Variants in ACTR10 observed in about 807,000 individuals in gnomAD.
ACTR10 encodes actin-related protein 10.
In ACTR10, 43 loss-of-function variants were observed where a neutral mutation model predicts 56.2. The ratio of observed to expected loss-of-function variants is 0.77; its 90% confidence interval spans 0.60 to 0.99. The LOEUF (loss-of-function observed/expected upper bound fraction) is 0.99, where lower values mean the gene tolerates loss of function less well. Among genes scored for constraint, ACTR10 ranks in the 50% least tolerant of loss-of-function variants. ACTR10 has a pLI of 0.00. For missense variants in ACTR10, 466 were observed against 507.8 expected (o/e 0.92, Z 0.79); for synonymous variants, 170 against 176.3 (o/e 0.96, Z 0.28).
At chr14:58,231,466 T>C (rs1275090271) in intron 11 of ACTR10, among the ~76,000 whole-genome samples, 3 of 152,202 alleles carry the variant, frequency 2.0e-5, no homozygotes, top group African/African-American at 7.2e-5. Context: ...GGACATATGG[T>C]AATAATATGT....
intron 11 of ACTR10, among the ~76,000 whole-genome samples, chr14:58,231,489 A>G (rs1320211006): frequency 6.6e-6 from 1 of 152,178 alleles, no homozygotes; most frequent in Admixed American, 6.6e-5. Flanking sequence ...CTTTCGTTTA[A>G]TGACTATGTA....
chr14:58,230,478 CA>C lies in ACTR10; in HGVS notation c.869del (p.Gln290ArgfsTer4). 6.6e-7 allele frequency: 1 copy of C among 1,522,050 alleles called. No homozygotes were observed. 94.3% of individuals were successfully genotyped at this position (1,522,050 alleles called of 1,614,324 possible). A position where few individuals can be genotyped will look rare whatever the true frequency, so the allele number is the denominator to read the frequency against. On this transcript the variant is annotated frameshift_variant and splice_region_variant, in exon 11 of 13. Coordinates refer to ENST00000254286, the MANE Select transcript of ACTR10 (RefSeq NM_018477.3). LOFTEE classifies it high-confidence loss of function. ...CACTTTAATATTGGATTCCCTTATA[CA>C]GGTATTTTATCTTGTCAAAAAATTC... ...VATLILDSLIQCPIDTRKQLA... is the reference protein window; with the variant it reads ...VATLILDSLIXCPIDTRKQLA...
At chr14:58,203,375 GTTTTTC>G (rs1206272275) in intron 2 of ACTR10, among the ~76,000 whole-genome samples, 2 of 149,604 alleles carry the variant, frequency 1.3e-5, no homozygotes, top group African/African-American at 4.9e-5. Context: ...CCAAGGAAAA[GTTTTTC>G]TTTTTAAATC....
At chr14:58,231,398 T>G (rs1008746270) in intron 11 of ACTR10, among the ~76,000 whole-genome samples, 3 of 152,230 alleles carry the variant, frequency 2.0e-5, no homozygotes, top group Non-Finnish European at 4.4e-5. Context: ...TTGTACCTAG[T>G]GTGGCTTGTG....
intron 10 of ACTR10, among the ~76,000 whole-genome samples, chr14:58,224,565 C>T (rs1889355005): frequency 6.6e-6 from 1 of 152,118 alleles, no homozygotes. Context: ...ACACTTGCAA[C>T]CCCAGCACTT....
At chr14:58,203,284 A>G (rs113112631) in intron 2 of ACTR10, among the ~76,000 whole-genome samples, 1 of 149,150 alleles carries the variant, frequency 6.7e-6, no homozygotes, top group South Asian at 2.1e-4. Flanking sequence ...CCTGGGGGGC[A>G]AGAGCAAGAC....
intron 10 of ACTR10, among the ~76,000 whole-genome samples, chr14:58,228,431 C>T (rs1889451815): frequency 6.6e-6 from 1 of 152,030 alleles, no homozygotes; most frequent in Non-Finnish European, 1.5e-5. Context: ...CCAGCCTGGC[C>T]AACATGGCAA....
chr14:58,231,943 T>C, intron 11 of ACTR10, 123 bp from the exon 12 acceptor site: 1 of 495,990 alleles, frequency 2.0e-6, no homozygotes. Context: ...GATCACCTGT[T>C]TAATCTGTAG....
In ACTR10 at chr14:58,234,584, C is replaced by A; in HGVS notation, c.*33C>A. 1 of 1,581,918 alleles carries A rather than the reference C, an allele frequency of 6.3e-7. No homozygotes were observed. Among genetic ancestry groups the A allele is most frequent in the South Asian group, 1.1e-5 (1 of 87,678 alleles). On this transcript the variant is annotated 3_prime_UTR_variant, in exon 13 of 13. Coordinates refer to ENST00000254286, the MANE Select transcript of ACTR10 (RefSeq NM_018477.3). ...ATTAAAAATCAACCTTGCTTCATATCAAATATTTAACCAATTATAAGCAAA... is the reference window on the plus strand; with the variant it reads ...ATTAAAAATCAACCTTGCTTCATATAAAATATTTAACCAATTATAAGCAAA...
At chr14:58,216,754 G>GTGAA (rs1226096547) in intron 7 of ACTR10, among the ~76,000 whole-genome samples, 1 of 152,110 alleles carries the variant, frequency 6.6e-6, no homozygotes, top group Non-Finnish European at 1.5e-5. Context: ...CATCTTAATG[G>GTGAA]TGAAGCCTTC....
intron 12 of ACTR10, 140 bp downstream of exon 12, chr14:58,232,407 T>TTA: frequency 2.9e-5 from 5 of 170,216 alleles, no homozygotes; most frequent in Non-Finnish European, 4.1e-5. Context: ...ACTTTTTCTT[T>TTA]TTTTTTTTTT....
chr14:58,202,957 A>C, intron 2 of ACTR10, 30 bp downstream of exon 2: 1 of 1,348,480 alleles, frequency 7.4e-7, no homozygotes, highest in Non-Finnish European at 1.1e-6. Flanking sequence ...AGCAAAATAA[A>C]TGCCATACTA....
intron 5 of ACTR10, among the ~76,000 whole-genome samples, chr14:58,212,657 T>C (rs1889032555): frequency 6.6e-6 from 1 of 152,192 alleles, no homozygotes; most frequent in Non-Finnish European, 1.5e-5. Flanking sequence ...ACAGTTGGGA[T>C]GGGTAGTTGA....
chr14:58,215,334 C>A, intron 7 of ACTR10, 50 bp downstream of exon 7: 1 of 1,193,220 alleles, frequency 8.4e-7, no homozygotes, highest in Non-Finnish European at 1.2e-6. Context: ...TCTTTTTGTT[C>A]TTCAACTTGT....
chr14:58,215,546 T>C (rs956731947), intron 7 of ACTR10, among the ~76,000 whole-genome samples: 4 of 151,910 alleles, frequency 2.6e-5, no homozygotes, highest in African/African-American at 7.3e-5. Flanking sequence ...TTCAGGATTC[T>C]TTTTTTTAGT....
chr14:58,220,645 A>C (rs1889243644), intron 8 of ACTR10, among the ~76,000 whole-genome samples: 1 of 152,154 alleles, frequency 6.6e-6, no homozygotes, highest in Admixed American at 6.5e-5. Context: ...ATGACCTCCA[A>C]CCTGTGAAAA....
At chr14:58,204,047 C>T (rs2081588607) in intron 2 of ACTR10, among the ~76,000 whole-genome samples, 1 of 152,084 alleles carries the variant, frequency 6.6e-6, no homozygotes, top group East Asian at 1.9e-4. Flanking sequence ...ATAGGATTGG[C>T]AGGCAGCTGA....
rs1253850833 is a variant in ACTR10, at chr14:58,232,004, T to C, written c.871-62T>C. The C allele has an allele frequency of 2.8e-6, 3 of 1,076,274 alleles. No homozygotes were observed. The African/African-American group carries it at 4.8e-5, about 17-fold the overall frequency. The allele number at this position is 1,076,274 out of a possible 1,614,324, so 66.7% of individuals were successfully genotyped here. On this transcript the variant is annotated intron_variant, in intron 11 of 12. Transcript: ENST00000254286. Reference sequence around the variant, plus strand: ...GTATATTTATGTATATTTTCTTAAGTTCAATCAAGCATTATTTGTACAGTT... The same window carrying C: ...GTATATTTATGTATATTTTCTTAAGCTCAATCAAGCATTATTTGTACAGTT...
intron 8 of ACTR10, among the ~76,000 whole-genome samples, chr14:58,220,876 G>C (rs1669284883): frequency 6.6e-6 from 1 of 152,160 alleles, no homozygotes; most frequent in African/African-American, 2.4e-5. Context: ...TCATTATAAG[G>C]AATGTTATGT....
Sources: gnomAD v4.1 joint callset for allele counts (sites outside exome capture counted in the v4.1 genomes callset) on GRCh38, gnomAD v4.1.1 for gene constraint, MANE v1.5 for transcripts, NCBI Gene and HGNC (gene_info 2026-07-23, HGNC 2026-07-21) for gene names.